Variants in SDK1 observed in about 807,000 individuals in gnomAD.
SDK1 encodes protein sidekick-1.
In SDK1, 157 loss-of-function variants were observed where a neutral mutation model predicts 245.5. The observed-to-expected ratio is 0.64, with a 90% CI of 0.56 to 0.73. The LOEUF is 0.73. Among genes scored for constraint, SDK1 ranks in the 30% least tolerant of loss-of-function variants. The pLI, the probability that SDK1 is intolerant of heterozygous loss-of-function variation, is 0.00. For synonymous variants in SDK1, 1,647 were observed against 1,278.5 expected, an observed-to-expected ratio of 1.29 and a Z score of -6.15; for missense variants, 3,583 against 3,002.3, an observed-to-expected ratio of 1.19 and a Z score of -4.52.
At chr7:3,856,957 C>G (rs1780562436) in intron 5 of SDK1, among the ~76,000 whole-genome samples, 1 of 151,816 alleles carries the variant, frequency 6.6e-6, no homozygotes, top group South Asian at 2.1e-4. Flanking sequence ...GGGATATTTC[C>G]TGCTGAAAAG....
chr7:3,321,781 CTT>C (rs1491146499), intron 1 of SDK1, among the ~76,000 whole-genome samples: 18 of 49,740 alleles, frequency 3.6e-4, no homozygotes, highest in African/African-American at 2.1e-3. Context: ...CTTCCTTCTC[CTT>C]CCTTCCTTCC....
intron 32 of SDK1, among the ~76,000 whole-genome samples, chr7:4,163,732 A>G (rs1479281461): frequency 1.1e-4 from 16 of 152,224 alleles, no homozygotes; most frequent in South Asian, 2.1e-4. Context: ...GCGTAGTGCT[A>G]GAGATGCCAG....
rs186516914 is a variant in SDK1, at chr7:4,039,046, G to A, written c.2603-10302G>A. ...TGATGACTTTCTTTAATTAAAAAAC[G>A]TAAGGACAAAAAACCAAACACCGCA... On this transcript the variant is annotated intron_variant, in intron 17 of 44. Coordinates refer to ENST00000404826, the MANE Select transcript of SDK1 (RefSeq NM_152744.4). 1.9e-3 allele frequency among the ~76,000 whole-genome samples: 288 copies of A among 151,554 alleles called. 1 individual carries two copies. Among genetic ancestry groups the A allele is most frequent in the Non-Finnish European group, 9.7e-4 (66 of 67,956 alleles).
chr7:3,485,953 C>G (rs1781681827), intron 1 of SDK1, among the ~76,000 whole-genome samples: 2 of 151,784 alleles, frequency 1.3e-5, no homozygotes, highest in South Asian at 2.1e-4. Flanking sequence ...TTAAAACCAT[C>G]TATGCCTAGT....
At chr7:4,127,333 A>G (rs1260182284) in intron 25 of SDK1, 48 bp from the exon 26 acceptor site, 2 of 1,365,960 alleles carry the variant, frequency 1.5e-6, no homozygotes, top group East Asian at 4.6e-5. Context: ...CTTTGTATGT[A>G]GACACTCTAG....
At chr7:3,872,731 AT>A in intron 5 of SDK1, among the ~76,000 whole-genome samples, 1 of 152,056 alleles carries the variant, frequency 6.6e-6, no homozygotes, top group Admixed American at 6.5e-5. Flanking sequence ...GGTTTCACTG[AT>A]TTAATGCCTT....
At chr7:3,590,778 CT>C (rs34165148) in intron 1 of SDK1, among the ~76,000 whole-genome samples, 64,939 of 115,170 alleles carry the variant, frequency 0.56, 18,304 homozygotes, top group South Asian at 0.69. Flanking sequence ...GAGTATAGCA[CT>C]TTTTTTTTTT....
At chr7:3,365,217 G>T (rs1397956747) in intron 1 of SDK1, among the ~76,000 whole-genome samples, 1 of 152,188 alleles carries the variant, frequency 6.6e-6, no homozygotes, top group Non-Finnish European at 1.5e-5. Flanking sequence ...TAGATTGTTT[G>T]CTAGAGAATG....
At chr7:3,678,628 G>A (rs1783991884) in intron 4 of SDK1, among the ~76,000 whole-genome samples, 1 of 152,208 alleles carries the variant, frequency 6.6e-6, no homozygotes. Flanking sequence ...GCCCTGGGGG[G>A]AGGGAGAGAT....
chr7:3,785,925 G>C (rs1217847167), intron 4 of SDK1, among the ~76,000 whole-genome samples: 2 of 152,180 alleles, frequency 1.3e-5, no homozygotes, highest in African/African-American at 4.8e-5. Flanking sequence ...TTGAGGAAAT[G>C]TGGTCTTTAT....
intron 4 of SDK1, among the ~76,000 whole-genome samples, chr7:3,763,478 A>T (rs920280244): frequency 1.1e-4 from 17 of 152,166 alleles, no homozygotes; most frequent in African/African-American, 4.1e-4. Context: ...ATGTCCCTCC[A>T]TTCTTCCACC....
intron 4 of SDK1, among the ~76,000 whole-genome samples, chr7:3,654,426 T>C (rs1349370138): frequency 6.6e-6 from 1 of 152,084 alleles, no homozygotes; most frequent in African/African-American, 2.4e-5. Context: ...GAGCGAGAGG[T>C]GGACTCCGAT....
chr7:3,593,745 A>G (rs544965016), intron 1 of SDK1, among the ~76,000 whole-genome samples: 1 of 152,296 alleles, frequency 6.6e-6, no homozygotes, highest in South Asian at 2.1e-4. Flanking sequence ...AAAGCTGTGT[A>G]TACGCAAGAG....
At chr7:3,613,218 G>A (rs1033803393) in intron 1 of SDK1, among the ~76,000 whole-genome samples, 5 of 152,096 alleles carry the variant, frequency 3.3e-5, no homozygotes, top group South Asian at 2.1e-4. Context: ...TAGGGAAGCC[G>A]GGGGACGCAG....
At chr7:4,225,346 T>C (rs907865602) in intron 40 of SDK1, among the ~76,000 whole-genome samples, 2 of 152,192 alleles carry the variant, frequency 1.3e-5, no homozygotes, top group Non-Finnish European at 2.9e-5. Flanking sequence ...AGCCACGGTG[T>C]CCGTCCTCCC....
chr7:3,479,369 C>T (rs1781439902), intron 1 of SDK1, among the ~76,000 whole-genome samples: 1 of 142,292 alleles, frequency 7.0e-6, no homozygotes. Flanking sequence ...TTGCAGTGAG[C>T]CGATATTGTG....
intron 1 of SDK1, among the ~76,000 whole-genome samples, chr7:3,395,556 G>A (rs1229987493): frequency 6.6e-6 from 1 of 151,840 alleles, no homozygotes; most frequent in Non-Finnish European, 1.5e-5. Flanking sequence ...GGAAGAATTT[G>A]TGGAGTATTA....
intron 1 of SDK1, among the ~76,000 whole-genome samples, chr7:3,418,486 C>G (rs781676527): frequency 6.9e-4 from 105 of 152,000 alleles, no homozygotes; most frequent in Non-Finnish European, 1.2e-3. Context: ...ATCACTCAGC[C>G]AAAAGTACAG....
intron 4 of SDK1, among the ~76,000 whole-genome samples, chr7:3,776,108 A>G (rs1037533294): frequency 6.6e-6 from 1 of 152,244 alleles, no homozygotes; most frequent in African/African-American, 2.4e-5. Flanking sequence ...ATATGATAGC[A>G]ACTCATGTAT....
Sources: allele counts gnomAD v4.1 joint callset (sites outside exome capture counted in the v4.1 genomes callset), GRCh38; gene constraint gnomAD v4.1.1; transcripts MANE v1.5; gene names NCBI Gene and HGNC (gene_info 2026-07-23, HGNC 2026-07-21).